Variants in RBBP6 observed in about 807,000 individuals in gnomAD.
The protein encoded by RBBP6 is RB binding protein 6, ubiquitin ligase.
A neutral mutation model predicts 167.7 loss-of-function variants in RBBP6; 25 were observed. The observed-to-expected ratio is 0.15, with a 90% CI of 0.11 to 0.21. RBBP6 has a LOEUF of 0.21. Among genes scored for constraint, RBBP6 ranks in the 10% least tolerant of loss-of-function variants. RBBP6 has a pLI of 1.00. For missense variants in RBBP6, 1,868 were observed against 2,134.2 expected, an observed-to-expected ratio of 0.88 and a Z score of 2.46; for synonymous variants, 789 against 735.8, an observed-to-expected ratio of 1.07 and a Z score of -1.17.
chr16:24,566,415 C>A (rs1454239242), intron 14 of RBBP6, among the ~76,000 whole-genome samples: 1 of 152,224 alleles, frequency 6.6e-6, no homozygotes, highest in Non-Finnish European at 1.5e-5. Context: ...TCTTTACCCA[C>A]TTCCTCCCTC....
Position 24,572,375 on chromosome 16 carries a change from C to CA in RBBP6, c.5312dup (p.Lys1772GlufsTer5), listed in dbSNP as rs1567282939. On this transcript the variant is annotated frameshift_variant, in exon 18 of 18. Coordinates refer to ENST00000319715, the MANE Select transcript of RBBP6 (RefSeq NM_006910.5). LOFTEE classifies it high-confidence loss of function. ...AAACACAAACACAAGAAAAAGAAGT[C>CA]AAAGAAGAACAAAGATAAAGAGAAG... 2.6e-6 allele frequency: 4 copies of CA among 1,548,564 alleles called. No homozygotes were observed. The highest frequency in any genetic ancestry group is 2.8e-5 in the African/African-American group (2 of 72,694).
intron 9 of RBBP6, 41 bp from the exon 10 acceptor site, chr16:24,561,783 T>C (rs756794862): frequency 6.2e-7 from 1 of 1,604,480 alleles, no homozygotes; most frequent in South Asian, 1.1e-5. Flanking sequence ...CAGTGAATAC[T>C]GCATAACATT....
At chr16:24,547,066 GTTAT>G (rs933129689) in intron 2 of RBBP6, among the ~76,000 whole-genome samples, 38 of 152,294 alleles carry the variant, frequency 2.5e-4, no homozygotes, top group African/African-American at 9.1e-4. Context: ...AGCAACATAG[GTTAT>G]TTAAAGAGTA....
rs115110747 is a variant in RBBP6 at position 24,542,421 on chromosome 16, G to A, written c.166+1629G>A. 2.2e-4 allele frequency among the ~76,000 whole-genome samples: 33 copies of A among 150,614 alleles called. 1 individual carries two copies. The highest frequency in any genetic ancestry group is 1.3e-3 in the South Asian group (6 of 4,772). On this transcript the variant is annotated intron_variant, in intron 1 of 17. Transcript: ENST00000319715. ...CACAATCGAATCATTAGGGCTAGGC[G>A]TTATCCATCTTTTCGACCCAACAAT...
chr16:24,557,330 T>G lies in RBBP6; in HGVS notation c.674+883T>G, dbSNP rs375504137. Among the ~76,000 whole-genome samples the G allele has an allele frequency of 3.7e-4, 56 of 152,270 alleles. 1 individual carries two copies. In the South Asian group the frequency reaches 0.011, roughly 30 times the overall value. On this transcript the variant is annotated intron_variant, in intron 7 of 17. Transcript: ENST00000319715. ...ATTCAGATTTTATATTATGAACCAG[T>G]TTTTAATGAAATGGACAGACATGAA... is the stretch of plus-strand genomic sequence containing the variant.
At position 24,561,967 on chromosome 16, in the gene RBBP6, A is replaced by G. The variant is rs1207604703; in HGVS notation, c.1095A>G (p.Gln365=). The G allele has an allele frequency of 1.2e-6, 2 of 1,613,550 alleles. No individual in the cohort carries two copies. Among genetic ancestry groups the G allele is most frequent in the Non-Finnish European group, 1.7e-6 (2 of 1,179,730 alleles). ...QPLMRSPISR[Q]QDPLMIPVTS... ...TGATGAGATCTCCGATATCAAGACA[A>G]CAAGATCCTCTTATGATTCCAGTGA... Residue 365 remains glutamine, a synonymous_variant, in exon 10 of 18, where the codon CAA becomes CAG. Transcript: ENST00000319715.
At chr16:24,542,298 T>C (rs1898520329) in intron 1 of RBBP6, among the ~76,000 whole-genome samples, 1 of 152,186 alleles carries the variant, frequency 6.6e-6, no homozygotes, top group Non-Finnish European at 1.5e-5. Flanking sequence ...ATATTGAGTA[T>C]TTATGAATGA....
At position 24,556,980 on chromosome 16, in the gene RBBP6, A is replaced by G. The variant is rs567025740; in HGVS notation, c.674+533A>G. 8.0e-5 allele frequency among the ~76,000 whole-genome samples: 12 copies of G among 150,666 alleles called. No homozygotes were observed. The South Asian group carries it at 2.5e-3, about 32-fold the overall frequency. On this transcript the variant is annotated intron_variant, in intron 7 of 17. Transcript: ENST00000319715. ...TAGTTCAGATCAACTATAGCTCTATAAAACACCTTAATGCCTTTTTTTTTT... is the reference window on the plus strand; with the variant it reads ...TAGTTCAGATCAACTATAGCTCTATGAAACACCTTAATGCCTTTTTTTTTT...
intron 3 of RBBP6, among the ~76,000 whole-genome samples, chr16:24,550,622 A>G (rs1782508605): frequency 6.6e-6 from 1 of 151,782 alleles, no homozygotes; most frequent in African/African-American, 2.4e-5. Context: ...TATAAACACA[A>G]ATCACATGTT....
chr16:24,569,750 A>G lies in RBBP6; in HGVS notation c.3060A>G (p.Lys1020=). ...CAAAAGCAAAGGGTGATAAAACCAA[A>G]CGGAAGAATGATGGATCTGCTGTGT... ...DKPKAKGDKT[K]RKNDGSAVSK... The change falls in exon 17 of 18, where the codon AAA becomes AAG. Residue 1020 remains lysine (K), a synonymous_variant. Coordinates refer to ENST00000319715, the MANE Select transcript of RBBP6 (RefSeq NM_006910.5). 6.2e-7 allele frequency: 1 copy of G among 1,614,148 alleles called. No homozygotes were observed. The highest frequency in any genetic ancestry group is 8.5e-7 in the Non-Finnish European group (1 of 1,180,020).
intron 4 of RBBP6, chr16:24,553,878 G>C (rs542309175): frequency 5.8e-6 from 1 of 173,404 alleles, no homozygotes; most frequent in African/African-American, 2.4e-5. Flanking sequence ...CCTGGTTTTG[G>C]CTATAAATTA....
chr16:24,571,837 C>T lies in RBBP6; in HGVS notation c.4771C>T (p.Leu1591Phe). The change falls in exon 18 of 18, where the codon CTT becomes TTT. Residue 1591 changes from leucine (L) to phenylalanine (F), a missense_variant. Leu to Phe is a conservative substitution (Grantham distance 22, BLOSUM62 0). Coordinates refer to ENST00000319715, the MANE Select transcript of RBBP6 (RefSeq NM_006910.5). ...AAGTGGCAATAAACTACTTTATATA[C>T]TTAACCCACCAGAGACACAGGTTGA... ...ESSGNKLLYI[L>F]NPPETQVEKE... 1.2e-6 allele frequency: 2 copies of T among 1,614,134 alleles called. No individual in the cohort carries two copies. The highest frequency in any genetic ancestry group is 1.7e-5 in the Admixed American group (1 of 60,022).
At position 24,571,066 on chromosome 16, in the gene RBBP6, A is replaced by G; in HGVS notation, c.4000A>G (p.Lys1334Glu). ...CTTTGAATCTGAAGAAGAAGATGTT[A>G]AATCCACACAGCCTATATCAAGTGT... The part of the protein sequence containing the change: ...DDFESEEEDV[K>E]STQPISSVGK... The change falls in exon 18 of 18, where the codon AAA becomes GAA. Residue 1334 changes from lysine (K) to glutamate (E), a missense_variant. Transcript: ENST00000319715. 1 of 1,611,590 alleles carries G rather than the reference A, an allele frequency of 6.2e-7. No homozygotes were observed.
intron 15 of RBBP6, 35 bp from the exon 16 acceptor site, chr16:24,567,757 T>C (rs1316653165): frequency 3.3e-6 from 5 of 1,525,678 alleles, no homozygotes; most frequent in Middle Eastern, 1.7e-4. Flanking sequence ...TAAATGGTTT[T>C]TGTTAACTTT....
Position 24,571,652 on chromosome 16 carries a change from C to A in RBBP6, c.4586C>A (p.Ser1529Tyr), listed in dbSNP as rs1368305877. 3 of 1,613,030 alleles carry A rather than the reference C, an allele frequency of 1.9e-6. No individual in the cohort carries two copies. The East Asian group carries it at 6.7e-5, about 36-fold the overall frequency. Residue 1529 changes from serine to tyrosine, a missense_variant, in exon 18 of 18, where the codon TCC becomes TAC. Ser to Tyr is a moderately radical substitution (Grantham distance 144). Coordinates refer to ENST00000319715, the MANE Select transcript of RBBP6 (RefSeq NM_006910.5). ...RDLPKKGTGD[S>Y]KKSNSSPSRD... The stretch of plus-strand genomic sequence containing the variant: ...TTGCCTAAAAAAGGAACAGGAGATT[C>A]CAAAAAAAGTAATTCTAGTCCCTCA...
intron 2 of RBBP6, among the ~76,000 whole-genome samples, chr16:24,547,349 C>G (rs960205836): frequency 8.5e-5 from 13 of 152,146 alleles, no homozygotes; most frequent in Non-Finnish European, 1.8e-4. Flanking sequence ...CTTTAAAAAG[C>G]TGAATACTTT....
chr16:24,571,901 T>G lies in RBBP6; in HGVS notation c.4835T>G (p.Val1612Gly). ...QITGQIDKST[V>G]KPKPQLSHSS... ...ACTGGGCAAATTGACAAGAGTACTGTCAAGCCTAAACCCCAGTTAAGTCAT... is the reference window on the plus strand; with the variant it reads ...ACTGGGCAAATTGACAAGAGTACTGGCAAGCCTAAACCCCAGTTAAGTCAT... The change falls in exon 18 of 18, where the codon GTC becomes GGC. Residue 1612 changes from valine to glycine, a missense_variant. Physicochemically the swap from Val to Gly is moderately radical, Grantham distance 109. Coordinates refer to ENST00000319715, the MANE Select transcript of RBBP6 (RefSeq NM_006910.5). 1 of 1,614,102 alleles carries G rather than the reference T, an allele frequency of 6.2e-7. No homozygotes were observed. Among genetic ancestry groups the G allele is most frequent in the Non-Finnish European group, 8.5e-7 (1 of 1,179,992 alleles).
rs779104695 is a variant in RBBP6 at position 24,571,859 on chromosome 16, T to C, written c.4793T>C (p.Val1598Ala). ...LYILNPPETQVEKEQITGQID... is the reference protein window; with the variant it reads ...LYILNPPETQAEKEQITGQID... ...ATACTTAACCCACCAGAGACACAGG[T>C]TGAAAAAGAGCAAATTACTGGGCAA... Residue 1598 changes from valine to alanine, a missense_variant, in exon 18 of 18, where the codon GTT (valine) becomes GCT (alanine). Transcript: ENST00000319715. 1.9e-6 allele frequency: 3 copies of C among 1,613,696 alleles called. No homozygotes were observed. Among genetic ancestry groups the C allele is most frequent in the Non-Finnish European group, 2.5e-6 (3 of 1,179,844 alleles).
chr16:24,551,973 T>C (rs1056774821), intron 3 of RBBP6, among the ~76,000 whole-genome samples: 6 of 151,780 alleles, frequency 4.0e-5, no homozygotes, highest in Non-Finnish European at 5.9e-5. Flanking sequence ...GAGGTTTTTT[T>C]CTACTTACCA....
Sources: gnomAD v4.1 joint callset for allele counts (sites outside exome capture counted in the v4.1 genomes callset) on GRCh38, gnomAD v4.1.1 for gene constraint, MANE v1.5 for transcripts, NCBI Gene and HGNC (gene_info 2026-07-23, HGNC 2026-07-21) for gene names.